Variants in NDUFV2 observed in about 807,000 individuals in gnomAD.
NDUFV2 encodes NADH dehydrogenase [ubiquinone] flavoprotein 2, mitochondrial.
A neutral mutation model predicts 31.6 loss-of-function variants in NDUFV2; 18 were observed. That is an observed-to-expected ratio of 0.57 (90% CI 0.39 to 0.84). The LOEUF (loss-of-function observed/expected upper bound fraction) is 0.84. NDUFV2 is among the 40% of genes least tolerant of loss of function. NDUFV2 has a pLI of 0.00. For synonymous variants in NDUFV2, 83 were observed against 99.8 expected (o/e 0.83, Z 1.01); for missense variants, 314 against 303.6 (o/e 1.03, Z -0.26).
intron 4 of NDUFV2, among the ~76,000 whole-genome samples, chr18:9,119,941 AAAG>A (rs1447216769): frequency 4.6e-5 from 7 of 152,202 alleles, no homozygotes; most frequent in East Asian, 1.9e-4. Flanking sequence ...GAATTACAGA[AAAG>A]AAGATCTGCT....
rs773207798 is a variant in NDUFV2, at chr18:9,117,842, G to T, written c.59G>T (p.Arg20Ile). ...TCTTAAAATTTTAAATTTTAGGGAA[G>T]ACATGTAAGGAATTTGCATAAGACA... ...RAAGLTAHWG[R>I]HVRNLHKTVM... Residue 20 changes from arginine to isoleucine, a missense_variant, in exon 2 of 8, where the codon AGA (arginine) becomes ATA (isoleucine). Coordinates refer to ENST00000318388, the MANE Select transcript of NDUFV2 (RefSeq NM_021074.5). 62 of 1,588,732 alleles carry T rather than the reference G, an allele frequency of 3.9e-5. No individual in the cohort carries two copies. The highest frequency in any genetic ancestry group is 5.4e-5 in the Non-Finnish European group (62 of 1,158,058).
At chr18:9,128,281 T>A (rs958844247) in intron 7 of NDUFV2, among the ~76,000 whole-genome samples, 1 of 152,202 alleles carries the variant, frequency 6.6e-6, no homozygotes, top group Non-Finnish European at 1.5e-5. Context: ...TGAAGTAGAA[T>A]TACTAAGAGG....
chr18:9,103,245 A>G, intron 1 of NDUFV2: 1 of 398,148 alleles, frequency 2.5e-6, no homozygotes, highest in Non-Finnish European at 4.4e-6. Context: ...GGAGAACTTC[A>G]TTAGGGCTGG....
chr18:9,109,757 AC>A (rs2077860524), intron 1 of NDUFV2, among the ~76,000 whole-genome samples: 1 of 152,140 alleles, frequency 6.6e-6, no homozygotes, highest in African/African-American at 2.4e-5. Context: ...GGAAATAATG[AC>A]TCACTACAGA....
At chr18:9,119,269 T>C (rs1568191057) in intron 2 of NDUFV2, 57 bp from the exon 3 acceptor site, 4 of 1,277,132 alleles carry the variant, frequency 3.1e-6, no homozygotes, top group Non-Finnish European at 4.6e-6. Flanking sequence ...TAATGTACAG[T>C]GTCATTCACA....
Position 9,118,122 on chromosome 18 carries a change from G to T in NDUFV2, c.120+219G>T, listed in dbSNP as rs2077908327. Among the ~76,000 whole-genome samples, 10 of 152,248 alleles carry T rather than the reference G, an allele frequency of 6.6e-5. No individual in the cohort carries two copies. In the South Asian group the frequency reaches 2.1e-3, roughly 32 times the overall value. On this transcript the variant is annotated intron_variant, in intron 2 of 7. Transcript: ENST00000318388. ...AGTATCAGGAAAACTCTGGGAATAA[G>T]AATTTATTTCCAGTGAAATTACTGT...
chr18:9,103,211 C>G (rs571178701), intron 1 of NDUFV2: 3 of 398,994 alleles, frequency 7.5e-6, no homozygotes, highest in Admixed American at 8.8e-5. Context: ...CTGGAGAGCT[C>G]TGGCTTGCTT....
chr18:9,110,726 T>G (rs2077865855), intron 1 of NDUFV2, among the ~76,000 whole-genome samples: 1 of 152,180 alleles, frequency 6.6e-6, no homozygotes, highest in Admixed American at 6.5e-5. Context: ...CACGCTGATA[T>G]CAAACCCCTG....
At chr18:9,125,686 T>A (rs2077983912) in intron 6 of NDUFV2, among the ~76,000 whole-genome samples, 1 of 152,202 alleles carries the variant, frequency 6.6e-6, no homozygotes, top group African/African-American at 2.4e-5. Flanking sequence ...TCAAGATACC[T>A]TGTTAGCTCA....
Position 9,125,003 on chromosome 18 carries a change from C to G in NDUFV2, c.579+20C>G, listed in dbSNP as rs1355932664. ...TACTATGTGAGTATTTCAGGTAATA[C>G]AAGTTAAAGTTGTATGATGTCATAT... is the stretch of plus-strand genomic sequence containing the variant. On this transcript the variant is annotated intron_variant, in intron 6 of 7. Transcript: ENST00000318388. 1.2e-6 allele frequency: 2 copies of G among 1,609,956 alleles called. No homozygotes were observed. Among genetic ancestry groups the G allele is most frequent in the Admixed American group, 3.3e-5 (2 of 59,932 alleles).
chr18:9,120,078 C>G (rs911696083), intron 4 of NDUFV2, among the ~76,000 whole-genome samples: 1 of 152,096 alleles, frequency 6.6e-6, no homozygotes, highest in African/African-American at 2.4e-5. Context: ...TATAGAAATG[C>G]TATGGATGAC....
At chr18:9,126,065 A>T (rs964330212) in intron 6 of NDUFV2, among the ~76,000 whole-genome samples, 1 of 152,142 alleles carries the variant, frequency 6.6e-6, no homozygotes, top group Admixed American at 6.5e-5. Context: ...TTCCTTGAGA[A>T]TTTGGCGTCT....
intron 2 of NDUFV2, 114 bp downstream of exon 2, chr18:9,118,017 G>C: frequency 1.3e-6 from 1 of 749,430 alleles, no homozygotes. Context: ...GATGGTCATC[G>C]TGAGAATTTA....
chr18:9,102,856 T>G, intron 1 of NDUFV2, 59 bp downstream of exon 1: 1 of 1,512,222 alleles, frequency 6.6e-7, no homozygotes, highest in Admixed American at 2.1e-5. Flanking sequence ...TCTCCGTGTC[T>G]CCCTTAGTTT....
At chr18:9,126,961 C>T (rs2077996700) in intron 7 of NDUFV2, 54 bp downstream of exon 7, 1 of 1,423,496 alleles carries the variant, frequency 7.0e-7, no homozygotes, top group South Asian at 1.2e-5. Flanking sequence ...ATTAATCTTT[C>T]AGATAAACTT....
At chr18:9,107,501 G>A (rs548812026) in intron 1 of NDUFV2, among the ~76,000 whole-genome samples, 3 of 152,302 alleles carry the variant, frequency 2.0e-5, no homozygotes, top group Non-Finnish European at 2.9e-5. Context: ...ACACATTTTG[G>A]TTAGGGGGAA....
At chr18:9,122,447 C>T in intron 4 of NDUFV2, 66 bp from the exon 5 acceptor site, 2 of 1,365,130 alleles carry the variant, frequency 1.5e-6, no homozygotes, top group Non-Finnish European at 1.0e-6. Flanking sequence ...ATACTTTGTA[C>T]AACATAATTA....
intron 1 of NDUFV2, 84 bp downstream of exon 1, chr18:9,102,881 C>G: frequency 1.4e-6 from 2 of 1,427,462 alleles, no homozygotes; most frequent in Non-Finnish European, 1.9e-6. Context: ...CGCAGGAGAG[C>G]CCTGGGCTCT....
chr18:9,110,847 A>G (rs1044894979), intron 1 of NDUFV2, among the ~76,000 whole-genome samples: 1 of 152,296 alleles, frequency 6.6e-6, no homozygotes, highest in Middle Eastern at 3.4e-3. Flanking sequence ...AGCCCTTCTT[A>G]TACAACTTTG....
Sources: allele counts gnomAD v4.1 joint callset (sites outside exome capture counted in the v4.1 genomes callset), GRCh38; gene constraint gnomAD v4.1.1; transcripts MANE v1.5; gene names NCBI Gene and HGNC (gene_info 2026-07-23, HGNC 2026-07-21).